The following CSRNP3 variants were observed in gnomAD, a reference collection of about 807,000 sequenced individuals.
The protein encoded by CSRNP3 is cysteine and serine rich nuclear protein 3.
CSRNP3 carries 12 observed loss-of-function variants against 48.0 expected under a neutral mutation model. The observed-to-expected ratio is 0.25, with a 90% CI of 0.16 to 0.41. CSRNP3 has a LOEUF of 0.41. CSRNP3 is among the 10% of genes least tolerant of loss of function. CSRNP3 has a pLI of 1.00. For missense variants in CSRNP3, 580 were observed against 724.4 expected (o/e 0.80, Z 2.29); for synonymous variants, 263 against 269.7 (o/e 0.98, Z 0.24).
At chr2:165,610,790 T>C (rs764196590) in intron 4 of CSRNP3, among the ~76,000 whole-genome samples, 12 of 152,154 alleles carry the variant, frequency 7.9e-5, no homozygotes, top group Non-Finnish European at 1.3e-4. Flanking sequence ...TTTAAAAATA[T>C]CAATGGATTC....
At chr2:165,493,777 T>C (rs1684251397) in intron 1 of CSRNP3, among the ~76,000 whole-genome samples, 2 of 152,102 alleles carry the variant, frequency 1.3e-5, no homozygotes, top group Non-Finnish European at 2.9e-5. Context: ...GTACTTATGC[T>C]TTCATTTTCC....
At chr2:165,563,833 A>G (rs1278014542) in intron 3 of CSRNP3, among the ~76,000 whole-genome samples, 5 of 152,132 alleles carry the variant, frequency 3.3e-5, no homozygotes, top group Non-Finnish European at 7.3e-5. Flanking sequence ...GCCCAGCTAC[A>G]AATTTTTGTA....
intron 4 of CSRNP3, among the ~76,000 whole-genome samples, chr2:165,646,976 G>A (rs1686821918): frequency 6.6e-6 from 1 of 151,984 alleles, no homozygotes; most frequent in African/African-American, 2.4e-5. Flanking sequence ...TGAAGTTTTA[G>A]TGTTTAATTG....
Position 165,678,890 on chromosome 2 carries a change from A to G in CSRNP3, c.895A>G (p.Ser299Gly). ...NGCHSEISAH[S>G]SSMGPVAHSV... ...CTGCCACAGTGAGATAAGTGCTCACAGTAGTTCTATGGGCCCTGTCGCTCA... is the reference window on the plus strand; with the variant it reads ...CTGCCACAGTGAGATAAGTGCTCACGGTAGTTCTATGGGCCCTGTCGCTCA... Residue 299 changes from serine to glycine, a missense_variant, in exon 7 of 7, where the codon AGT becomes GGT. Coordinates refer to ENST00000651982, the MANE Select transcript of CSRNP3 (RefSeq NM_001172173.2). 3 of 1,614,032 alleles carry G rather than the reference A, an allele frequency of 1.9e-6. No individual in the cohort carries two copies. Among genetic ancestry groups the G allele is most frequent in the Non-Finnish European group, 2.5e-6 (3 of 1,179,940 alleles).
intron 4 of CSRNP3, among the ~76,000 whole-genome samples, chr2:165,640,668 T>C (rs1455207670): frequency 6.6e-6 from 1 of 152,192 alleles, no homozygotes; most frequent in African/African-American, 2.4e-5. Flanking sequence ...AGAGTTTGGA[T>C]CCTGGGAGCA....
chr2:165,642,103 A>AACACACACACACACACAC (rs58624766), intron 4 of CSRNP3, among the ~76,000 whole-genome samples: 1 of 132,100 alleles, frequency 7.6e-6, no homozygotes, highest in Non-Finnish European at 1.7e-5. Flanking sequence ...CACACACACA[A>AACACACACACACACACAC]ACACACACAC....
At chr2:165,479,918 T>A (rs950250577) in intron 1 of CSRNP3, among the ~76,000 whole-genome samples, 8 of 151,530 alleles carry the variant, frequency 5.3e-5, no homozygotes, top group Non-Finnish European at 5.9e-5. Context: ...ACGGTATGGC[T>A]AGGTTCTTTG....
chr2:165,591,206 C>G (rs1046896994), intron 3 of CSRNP3, among the ~76,000 whole-genome samples: 2 of 152,158 alleles, frequency 1.3e-5, no homozygotes, highest in African/African-American at 4.8e-5. Flanking sequence ...AAAGGTCACT[C>G]TTGCTATGCA....
intron 3 of CSRNP3, among the ~76,000 whole-genome samples, chr2:165,592,363 A>G (rs1685731430): frequency 6.6e-6 from 1 of 152,206 alleles, no homozygotes. Flanking sequence ...GCCTTGCCTC[A>G]GATGAGACGT....
chr2:165,635,092 C>G (rs1317631728), intron 4 of CSRNP3, among the ~76,000 whole-genome samples: 3 of 152,194 alleles, frequency 2.0e-5, no homozygotes, highest in Non-Finnish European at 2.9e-5. Flanking sequence ...GAGCTGATTG[C>G]TCTCCCTCTG....
In CSRNP3 at chr2:165,576,520, G is replaced by A. The variant is rs573010048; in HGVS notation, c.-23-18523G>A. 1.4e-3 allele frequency among the ~76,000 whole-genome samples: 219 copies of A among 152,140 alleles called. 1 individual carries two copies. The highest frequency in any genetic ancestry group is 8.2e-4 in the African/African-American group (34 of 41,552). ...GCCCATGAAGATTCTTGGAGAAAAC[G>A]TGATAATAGACAAATGTGAAATAAA... On this transcript the variant is annotated intron_variant, in intron 3 of 6. Coordinates refer to ENST00000651982, the MANE Select transcript of CSRNP3 (RefSeq NM_001172173.2).
intron 2 of CSRNP3, among the ~76,000 whole-genome samples, chr2:165,503,941 A>G (rs1159997875): frequency 6.6e-6 from 1 of 152,026 alleles, no homozygotes; most frequent in Admixed American, 6.6e-5. Context: ...TTTCTAATTA[A>G]TAATGAATGT....
intron 1 of CSRNP3, among the ~76,000 whole-genome samples, chr2:165,481,853 C>A (rs1238961117): frequency 6.6e-6 from 1 of 152,108 alleles, no homozygotes; most frequent in South Asian, 2.1e-4. Context: ...ACCGCATGTT[C>A]TCACTTTTAA....
chr2:165,484,400 T>C lies in CSRNP3; in HGVS notation c.-282-10359T>C, dbSNP rs1684085953. On this transcript the variant is annotated intron_variant, in intron 1 of 6. Coordinates refer to ENST00000651982, the MANE Select transcript of CSRNP3 (RefSeq NM_001172173.2). ...TCTATTTTAAAAACCTAATAAGGTATCATCTTTTTGGACCAACAAAGGACT... is the reference window on the plus strand; with the variant it reads ...TCTATTTTAAAAACCTAATAAGGTACCATCTTTTTGGACCAACAAAGGACT... Among the ~76,000 whole-genome samples the C allele has an allele frequency of 2.6e-5, 4 of 152,190 alleles. No homozygotes were observed. In the South Asian group the frequency reaches 8.3e-4, roughly 31 times the overall value.
chr2:165,504,878 C>T (rs910266900), intron 2 of CSRNP3, among the ~76,000 whole-genome samples: 2 of 152,080 alleles, frequency 1.3e-5, no homozygotes, highest in African/African-American at 2.4e-5. Context: ...ACACTGAAGA[C>T]GTATTGCTGC....
intron 1 of CSRNP3, among the ~76,000 whole-genome samples, chr2:165,485,535 A>T (rs891947386): frequency 6.6e-6 from 1 of 152,214 alleles, no homozygotes; most frequent in African/African-American, 2.4e-5. Context: ...TTAGGTCTAT[A>T]AGTGAGTTTT....
At chr2:165,490,561 A>G (rs1000166269) in intron 1 of CSRNP3, among the ~76,000 whole-genome samples, 5 of 145,632 alleles carry the variant, frequency 3.4e-5, no homozygotes, top group African/African-American at 5.2e-5. Flanking sequence ...CTACAAGGCT[A>G]CAGTAACCAA....
intron 2 of CSRNP3, among the ~76,000 whole-genome samples, chr2:165,515,847 T>G (rs952609654): frequency 2.9e-5 from 4 of 137,190 alleles, no homozygotes; most frequent in African/African-American, 1.1e-4. Flanking sequence ...GCTCTGTCAC[T>G]CAGGCTGGAG....
chr2:165,596,135 ATT>A (rs11317294), intron 4 of CSRNP3, among the ~76,000 whole-genome samples: 3,516 of 120,438 alleles, frequency 0.029, 52 homozygotes, highest in Non-Finnish European at 0.033. Context: ...TTTCTTTTTG[ATT>A]TTTTTTTTTT....
Sources: allele counts gnomAD v4.1 joint callset (sites outside exome capture counted in the v4.1 genomes callset), GRCh38; gene constraint gnomAD v4.1.1; transcripts MANE v1.5; gene names NCBI Gene and HGNC (gene_info 2026-07-23, HGNC 2026-07-21).